Variants in DMBT1 observed in about 807,000 individuals in gnomAD.
DMBT1 encodes the protein scavenger receptor cysteine-rich domain-containing protein DMBT1.
Under a neutral mutation model 252.9 loss-of-function variants are expected in DMBT1, and 198 were observed. The ratio of observed to expected loss-of-function variants is 0.78; its 90% CI spans 0.70 to 0.88. DMBT1 has a LOEUF of 0.88. Ranked by LOEUF, DMBT1 falls within the 40% of genes least tolerant of loss-of-function variation. DMBT1 has a pLI of 0.00. For missense variants in DMBT1, 2,432 were observed against 2,404.7 expected, an observed-to-expected ratio of 1.01 and a Z score of -0.24; for synonymous variants, 990 against 942.7, an observed-to-expected ratio of 1.05 and a Z score of -0.92.
intron 20 of DMBT1, 117 bp downstream of exon 20, chr10:122,592,712 T>C (rs1314673833): frequency 1.3e-6 from 2 of 1,489,212 alleles, no homozygotes; most frequent in Admixed American, 1.9e-5. Context: ...TATATTTATG[T>C]AGTCTTGTTA....
Position 122,621,298 on chromosome 10 carries a change from G to T in DMBT1, c.5526G>T (p.Glu1842Asp), listed in dbSNP as rs2098065820. The T allele has an allele frequency of 1.2e-6, 2 of 1,613,714 alleles. No homozygotes were observed. The highest frequency in any genetic ancestry group is 1.3e-5 in the African/African-American group (1 of 74,924). Residue 1842 changes from glutamate (E) to aspartate (D), a missense_variant, in exon 44 of 56, where the codon GAG becomes GAT. Around this residue, in one of 3 missense-constraint regions of DMBT1, gnomAD observed 1,162 missense variants for 1,169.0 expected, o/e 0.99. Transcript: ENST00000338354. ...VLDDVRCSGNESYLWSCPHKG... is the reference protein window; with the variant it reads ...VLDDVRCSGNDSYLWSCPHKG... ...ATGATGTGCGCTGCTCAGGGAATGA[G>T]TCCTACCTGTGGAGCTGCCCCCACA...
intron 39 of DMBT1, 91 bp from the exon 40 acceptor site, chr10:122,617,137 C>A: frequency 2.2e-6 from 3 of 1,392,240 alleles, no homozygotes; most frequent in Admixed American, 3.4e-5. Context: ...GGAATTGTTG[C>A]CAGGTTGATT....
intron 2 of DMBT1, among the ~76,000 whole-genome samples, chr10:122,568,778 G>A (rs555609006): frequency 1.1e-4 from 16 of 152,338 alleles, no homozygotes; most frequent in African/African-American, 3.4e-4. Flanking sequence ...TTTGGTCAGG[G>A]CTTGGGTAAC....
chr10:122,580,204 T>G (rs113159501), intron 10 of DMBT1, among the ~76,000 whole-genome samples: 2 of 151,860 alleles, frequency 1.3e-5, no homozygotes, highest in African/African-American at 4.8e-5. Context: ...AGTAGCACGG[T>G]GTGAGGGTAT....
chr10:122,588,627 AGCATGGTCCTGCCCT>A (rs772595045), intron 16 of DMBT1, among the ~76,000 whole-genome samples: 2 of 148,976 alleles, frequency 1.3e-5, no homozygotes, highest in Non-Finnish European at 3.0e-5. Context: ...ACATGGGGAC[AGCATGGTCCTGCCCT>A]CTGGAGCTGT....
rs1173547948 is a variant in DMBT1 at position 122,579,734 on chromosome 10, G to C, written c.836G>C (p.Trp279Ser). ...NVVCRQLGCG[W>S]AMSAPGNAQF... is the part of the protein sequence containing the mutation. Reference sequence around the variant, plus strand: ...GTCTGCAGGCAGCTGGGCTGTGGCTGGGCCATGTCAGCCCCAGGAAATGCC... The same window carrying C: ...GTCTGCAGGCAGCTGGGCTGTGGCTCGGCCATGTCAGCCCCAGGAAATGCC... The change falls in exon 10 of 56, where the codon TGG becomes TCG. Residue 279 changes from tryptophan (W) to serine (S), a missense_variant. Around this residue, in one of 3 missense-constraint regions of DMBT1, gnomAD observed 1,264 missense variants for 1,082.2 expected, o/e 1.17. Coordinates refer to ENST00000338354, the MANE Select transcript of DMBT1 (RefSeq NM_001377530.1). 6.2e-6 allele frequency: 10 copies of C among 1,613,708 alleles called. No homozygotes were observed. Among genetic ancestry groups the C allele is most frequent in the Non-Finnish European group, 8.5e-6 (10 of 1,179,806 alleles).
intron 44 of DMBT1, 31 bp from the exon 45 acceptor site, chr10:122,625,246 A>G: frequency 1.2e-6 from 2 of 1,606,612 alleles, no homozygotes; most frequent in South Asian, 1.1e-5. Context: ...GGGCACTGGG[A>G]CTGACTCATG....
chr10:122,634,411 T>TTCTTTCTTTTCTTTCTC (rs2098199033), intron 52 of DMBT1, among the ~76,000 whole-genome samples: 2 of 99,874 alleles, frequency 2.0e-5, no homozygotes, highest in African/African-American at 9.2e-5. Context: ...TTTTCTTTCT[T>TTCTTTCTTTTCTTTCTC]TCTCTCTCTC....
Position 122,577,735 on chromosome 10 carries a change from C to T in DMBT1, c.608-76C>T, listed in dbSNP as rs540523953. The T allele has an allele frequency of 3.2e-6, 5 of 1,568,882 alleles. No individual in the cohort carries two copies. The Admixed American group carries it at 5.1e-5, about 16-fold the overall frequency. On this transcript the variant is annotated intron_variant, in intron 7 of 55. Coordinates refer to ENST00000338354, the MANE Select transcript of DMBT1 (RefSeq NM_001377530.1). ...GGCATCAGCTCAGGGTGTAGATACCCCAAGTCACTTCAGCCTTAACTCTAC... is the reference window on the plus strand; with the variant it reads ...GGCATCAGCTCAGGGTGTAGATACCTCAAGTCACTTCAGCCTTAACTCTAC...
chr10:122,643,170 C>T lies in DMBT1; in HGVS notation c.7401C>T (p.Arg2467=), dbSNP rs762314712. The change falls in exon 56 of 56, where the codon CGC becomes CGT. Residue 2467 remains arginine, a synonymous_variant. Transcript: ENST00000338354. ...TYGPYSSPSL[R]IARFRFRAFH... The stretch of plus-strand genomic sequence containing the variant: ...GACCCTACTCCTCGCCATCTCTTCG[C>T]ATTGCCCGCTTCCGGTTCAGGGCCT... 2 of 1,613,878 alleles carry T rather than the reference C, an allele frequency of 1.2e-6. No homozygotes were observed. The highest frequency in any genetic ancestry group is 2.7e-5 in the African/African-American group (2 of 74,926).
Position 122,629,821 on chromosome 10 carries a change from TC to T in DMBT1, c.5669-15del. 6.2e-7 allele frequency: 1 copy of T among 1,611,684 alleles called. No homozygotes were observed. On this transcript the variant is annotated intron_variant, in intron 46 of 55. Coordinates refer to ENST00000338354, the MANE Select transcript of DMBT1 (RefSeq NM_001377530.1). ...CTGAAGACCTGGTACAATGGAGATG[TC>T]CCCTCTCTCCTCTCTAGGACCCTCT...
intron 1 of DMBT1, among the ~76,000 whole-genome samples, chr10:122,563,173 G>C (rs546433596): frequency 2.0e-5 from 3 of 152,296 alleles, no homozygotes; most frequent in African/African-American, 7.2e-5. Flanking sequence ...TGCTGGGCAG[G>C]AAAGGCTGTG....
chr10:122,624,953 G>A (rs1389989525), intron 44 of DMBT1, among the ~76,000 whole-genome samples: 4 of 152,188 alleles, frequency 2.6e-5, no homozygotes, highest in African/African-American at 7.2e-5. Context: ...CTTCAAGATG[G>A]CCAGTTTCTC....
chr10:122,578,235 T>C (rs187448572), intron 8 of DMBT1, among the ~76,000 whole-genome samples: 92 of 152,224 alleles, frequency 6.0e-4, no homozygotes, highest in African/African-American at 2.0e-3. Context: ...CTCTCACTAC[T>C]TGAAAAACCC....
In DMBT1 at chr10:122,637,142, C is replaced by T. The variant is rs776998114; in HGVS notation, c.6772C>T (p.Pro2258Ser). Residue 2258 changes from proline (P) to serine (S), a missense_variant, in exon 54 of 56, where the codon CCA becomes TCA. Transcript: ENST00000338354. ...SNDSTNLLCL[P>S]NHMQASVSRS... ...TTGTCTATCAGACCTGCTCTGTCTG[C>T]CAAATCACATGCAAGCCAGTGTGAG... 2 of 1,613,860 alleles carry T rather than the reference C, an allele frequency of 1.2e-6. No individual in the cohort carries two copies. The highest frequency in any genetic ancestry group is 1.1e-5 in the South Asian group (1 of 91,064).
At chr10:122,580,844 C>T in intron 10 of DMBT1, 22 bp from the exon 11 acceptor site, 1 of 1,613,720 alleles carries the variant, frequency 6.2e-7, no homozygotes, top group Non-Finnish European at 8.5e-7. Flanking sequence ...CCTGATCTGA[C>T]CTTCTCTTCT....
At chr10:122,592,705 A>G (rs1037950812) in intron 20 of DMBT1, 110 bp downstream of exon 20, 2 of 1,515,068 alleles carry the variant, frequency 1.3e-6, no homozygotes, top group Admixed American at 1.9e-5. Flanking sequence ...TGTTTCCTAT[A>G]TTTATGTAGT....
At chr10:122,589,796 C>A (rs2097831104) in intron 17 of DMBT1, among the ~76,000 whole-genome samples, 1 of 148,336 alleles carries the variant, frequency 6.7e-6, no homozygotes, top group African/African-American at 2.4e-5. Context: ...CCAGTTCTTG[C>A]TAGAAACTAA....
intron 24 of DMBT1, among the ~76,000 whole-genome samples, chr10:122,597,409 T>C (rs3980998): frequency 2.6e-5 from 4 of 152,146 alleles, no homozygotes; most frequent in African/African-American, 7.2e-5. Context: ...GTCTCCTGGG[T>C]AGCCAATGTC....
Sources: gnomAD v4.1 joint callset for allele counts (sites outside exome capture counted in the v4.1 genomes callset) on GRCh38, gnomAD v4.1.1 for gene constraint, gnomAD v4.1.1 regional missense constraint, MANE v1.5 for transcripts, NCBI Gene and HGNC (gene_info 2026-07-23, HGNC 2026-07-21) for gene names.